C1orf174: variants seen among roughly 807,000 people sequenced by gnomAD.
C1orf174 encodes chromosome 1 open reading frame 174, also known as UPF0688 protein C1orf174.
C1orf174 carries 13 observed loss-of-function variants against 18.4 expected under a neutral mutation model. The ratio of observed to expected loss-of-function variants is 0.71; its 90% CI spans 0.46 to 1.12. C1orf174 has a LOEUF of 1.12. Among genes scored for constraint, C1orf174 ranks in the 50% most tolerant of loss-of-function variants. The pLI, the probability that C1orf174 is intolerant of heterozygous loss-of-function variation, is 0.00. For synonymous variants in C1orf174, 100 were observed against 118.3 expected (o/e 0.85, Z 1.01); for missense variants, 309 against 308.0 (o/e 1.00, Z -0.02).
intron 1 of C1orf174, among the ~76,000 whole-genome samples, chr1:3,894,996 C>A (rs1638580899): frequency 6.6e-6 from 1 of 152,238 alleles, no homozygotes; most frequent in South Asian, 2.1e-4. Flanking sequence ...TCATCAAAAT[C>A]CTCCCACTGG....
intron 1 of C1orf174, among the ~76,000 whole-genome samples, chr1:3,898,398 C>A (rs1638645278): frequency 6.6e-6 from 1 of 152,078 alleles, no homozygotes; most frequent in African/African-American, 2.4e-5. Flanking sequence ...TAATCCCAGC[C>A]ATTCCAGAGG....
chr1:3,894,804 G>T (rs6674160), intron 1 of C1orf174, among the ~76,000 whole-genome samples: 6 of 152,068 alleles, frequency 3.9e-5, no homozygotes, highest in East Asian at 3.9e-4. Context: ...CACAGGACAC[G>T]CCAGTTGCCC....
In C1orf174 at chr1:3,890,767, G is replaced by A. The variant is rs780791613; in HGVS notation, c.420C>T (p.Ser140=). Residue 140 remains serine, a synonymous_variant, in exon 3 of 4, where the codon TCC becomes TCT. Coordinates refer to ENST00000361605, the MANE Select transcript of C1orf174 (RefSeq NM_207356.3). ...SRLAKTRDGL[S]VPKHSAGSGA... is the part of the protein sequence containing the mutation. ...CGGACCCGGCACTGTGTTTTGGCACGGACAGGCCATCTCTAGTCTTTGCTA... is the reference window on the plus strand; with the variant it reads ...CGGACCCGGCACTGTGTTTTGGCACAGACAGGCCATCTCTAGTCTTTGCTA... 4.3e-6 allele frequency: 7 copies of A among 1,613,964 alleles called. No individual in the cohort carries two copies. Among genetic ancestry groups the A allele is most frequent in the South Asian group, 3.3e-5 (3 of 91,074 alleles).
At position 3,889,741 on chromosome 1, in the gene C1orf174, A is replaced by C; in HGVS notation, c.*219T>G. On this transcript the variant is annotated 3_prime_UTR_variant, in exon 4 of 4. Coordinates refer to ENST00000361605, the MANE Select transcript of C1orf174 (RefSeq NM_207356.3). ...AAAAAAGAAAGGACATTGGCACAGT[A>C]CAGCAGCTTTGCAACCTCAAAGATG... The C allele has an allele frequency of 1.8e-6, 1 of 560,658 alleles. No homozygotes were observed. The allele number at this position is 560,658 out of a possible 1,614,324, so 34.7% of individuals were successfully genotyped here.
chr1:3,892,691 C>T, intron 2 of C1orf174, 192 bp downstream of exon 2: 1 of 1,435,404 alleles, frequency 7.0e-7, no homozygotes, highest in Non-Finnish European at 9.1e-7. Flanking sequence ...GAGAGCCAGC[C>T]CTGGCCTGCA....
intron 1 of C1orf174, among the ~76,000 whole-genome samples, chr1:3,898,214 C>T (rs1638642175): frequency 6.6e-6 from 1 of 151,928 alleles, no homozygotes; most frequent in Non-Finnish European, 1.5e-5. Context: ...TCCAGCAAAG[C>T]TATACTTCAA....
chr1:3,892,979 C>G lies in C1orf174; in HGVS notation c.33G>C (p.Arg11=), dbSNP rs761759899. The G allele has an allele frequency of 6.8e-6, 11 of 1,613,804 alleles. No individual in the cohort carries two copies. The Admixed American group carries it at 1.0e-4, about 15-fold the overall frequency. Residue 11 remains arginine (R), a synonymous_variant, in exon 2 of 4, where the codon CGG becomes CGC. Transcript: ENST00000361605. ...TTCGTGCTTTCAAGCGCGCTGAAGACCGCACTGCACCTGTGAGCTAGAGAG... is the reference window on the plus strand; with the variant it reads ...TTCGTGCTTTCAAGCGCGCTGAAGAGCGCACTGCACCTGTGAGCTAGAGAG... The part of the protein sequence containing the change: MRSRKLTGAV[R]SSARLKARSC...
Position 3,889,999 on chromosome 1 carries a change from T to A in C1orf174, c.693A>T (p.Lys231Asn), listed in dbSNP as rs1427585153. The change falls in exon 4 of 4, where the codon AAA (lysine) becomes AAT (asparagine). Residue 231 changes from lysine (K) to asparagine (N), a missense_variant. By Grantham distance (94) the Lys-to-Asn change is moderately conservative. Transcript: ENST00000361605. ...CATCGTCGTCGTCATCATCATCATC[T>A]TTGGCTCTGAAATGCATTTTTCTGA... ...REFRKMHFRA[K>N]DDDDDDDDDA... is the part of the protein sequence containing the mutation. The A allele has an allele frequency of 6.2e-7, 1 of 1,614,106 alleles. No individual in the cohort carries two copies. Among genetic ancestry groups the A allele is most frequent in the African/African-American group, 1.3e-5 (1 of 74,930 alleles).
Position 3,900,223 on chromosome 1 carries a change from G to A in C1orf174, c.-37C>T. 3 of 1,557,308 alleles carry A rather than the reference G, an allele frequency of 1.9e-6. No individual in the cohort carries two copies. Among genetic ancestry groups the A allele is most frequent in the Admixed American group, 1.9e-5 (1 of 53,124 alleles). ...CCGCAGCCAAGCACCGCGCGCCCCG[G>A]CCAACGCGTCCCGGCGGAGCGGCGA... On this transcript the variant is annotated 5_prime_UTR_variant, in exon 1 of 4. Coordinates refer to ENST00000361605, the MANE Select transcript of C1orf174 (RefSeq NM_207356.3).
At chr1:3,898,867 G>A (rs1638656465) in intron 1 of C1orf174, among the ~76,000 whole-genome samples, 1 of 152,184 alleles carries the variant, frequency 6.6e-6, no homozygotes, top group African/African-American at 2.4e-5. Context: ...GTACTGTTGA[G>A]TTTGTAACAT....
intron 1 of C1orf174, among the ~76,000 whole-genome samples, chr1:3,898,026 A>G (rs1638638330): frequency 6.6e-6 from 1 of 152,206 alleles, no homozygotes; most frequent in Non-Finnish European, 1.5e-5. Context: ...ATCCACAGAC[A>G]CATCACTGTA....
chr1:3,897,750 G>A (rs1053231403), intron 1 of C1orf174, among the ~76,000 whole-genome samples: 2 of 151,848 alleles, frequency 1.3e-5, no homozygotes, highest in South Asian at 2.1e-4. Flanking sequence ...TGCAAGCTCC[G>A]CCCCCCAGGT....
At chr1:3,894,454 A>G (rs1638568599) in intron 1 of C1orf174, among the ~76,000 whole-genome samples, 1 of 151,808 alleles carries the variant, frequency 6.6e-6, no homozygotes, top group Admixed American at 6.6e-5. Context: ...AAAAATACAA[A>G]AAATTAGCCG....
At chr1:3,896,800 G>A (rs183456907) in intron 1 of C1orf174, among the ~76,000 whole-genome samples, 64 of 152,328 alleles carry the variant, frequency 4.2e-4, no homozygotes, top group African/African-American at 1.5e-3. Context: ...TTAGTTTGTA[G>A]AGCAACTTAT....
intron 1 of C1orf174, 48 bp downstream of exon 1, chr1:3,900,124 G>C (rs768393318): frequency 2.9e-5 from 45 of 1,563,206 alleles, no homozygotes; most frequent in Non-Finnish European, 3.9e-5. Context: ...AGGTGACCCA[G>C]AGTCCCCGCC....
Position 3,900,224 on chromosome 1 carries a change from C to T in C1orf174, c.-38G>A. The stretch of plus-strand genomic sequence containing the variant: ...CGCAGCCAAGCACCGCGCGCCCCGG[C>T]CAACGCGTCCCGGCGGAGCGGCGAC... On this transcript the variant is annotated 5_prime_UTR_variant, in exon 1 of 4. Coordinates refer to ENST00000361605, the MANE Select transcript of C1orf174 (RefSeq NM_207356.3). 6.4e-7 allele frequency: 1 copy of T among 1,554,926 alleles called. No individual in the cohort carries two copies. Among genetic ancestry groups the T allele is most frequent in the Non-Finnish European group, 8.6e-7 (1 of 1,162,682 alleles).
chr1:3,899,412 G>T (rs746795587), intron 1 of C1orf174, among the ~76,000 whole-genome samples: 4 of 152,168 alleles, frequency 2.6e-5, no homozygotes. Context: ...CAAGTGGACC[G>T]GGACCCGCGC....
chr1:3,893,549 C>A (rs1309134769), intron 1 of C1orf174, among the ~76,000 whole-genome samples: 1 of 152,088 alleles, frequency 6.6e-6, no homozygotes, highest in Admixed American at 6.5e-5. Context: ...AAAGACATAA[C>A]ATTTAAAATA....
At chr1:3,898,287 A>C (rs957317482) in intron 1 of C1orf174, among the ~76,000 whole-genome samples, 4 of 152,188 alleles carry the variant, frequency 2.6e-5, no homozygotes, top group African/African-American at 9.6e-5. Context: ...TGAGGCAGTG[A>C]TCACCTGAGG....
Sources: allele counts gnomAD v4.1 joint callset (sites outside exome capture counted in the v4.1 genomes callset), GRCh38; gene constraint gnomAD v4.1.1; transcripts MANE v1.5; gene names NCBI Gene and HGNC (gene_info 2026-07-23, HGNC 2026-07-21).